Variants in CNTNAP2 observed in about 807,000 individuals in gnomAD.
The protein encoded by CNTNAP2 is contactin-associated protein-like 2.
In CNTNAP2, 98 loss-of-function variants were observed where a neutral mutation model predicts 155.2. The ratio of observed to expected loss-of-function variants is 0.63; its 90% confidence interval spans 0.54 to 0.75. The LOEUF is 0.75. Ranked by LOEUF, CNTNAP2 falls within the 30% of genes least tolerant of loss-of-function variation. The pLI is 0.00. For missense variants in CNTNAP2, 1,727 were observed against 1,688.1 expected, an observed-to-expected ratio of 1.02 and a Z score of -0.40; for synonymous variants, 651 against 631.2, an observed-to-expected ratio of 1.03 and a Z score of -0.47.
intron 1 of CNTNAP2, among the ~76,000 whole-genome samples, chr7:146,710,332 G>A (rs1000375218): frequency 6.6e-6 from 1 of 152,174 alleles, no homozygotes; most frequent in African/African-American, 2.4e-5. Context: ...GATCCCATAA[G>A]TGGGGAAAAT....
At chr7:147,341,781 C>G (rs1249657995) in intron 9 of CNTNAP2, among the ~76,000 whole-genome samples, 1 of 151,346 alleles carries the variant, frequency 6.6e-6, no homozygotes, top group African/African-American at 2.4e-5. Context: ...CACACACACA[C>G]ACACACACAC....
chr7:146,316,760 T>A (rs75674725), intron 1 of CNTNAP2, among the ~76,000 whole-genome samples: 1 of 127,694 alleles, frequency 7.8e-6, no homozygotes, highest in Non-Finnish European at 1.5e-5. Flanking sequence ...GTTTTTTAAT[T>A]TTTTTTTTTT....
At chr7:148,080,328 G>A (rs1011926242) in intron 15 of CNTNAP2, among the ~76,000 whole-genome samples, 10 of 152,096 alleles carry the variant, frequency 6.6e-5, no homozygotes, top group Admixed American at 3.3e-4. Context: ...TAAAGCGGCC[G>A]GGCACGGTGG....
At chr7:147,607,103 G>A (rs993476070) in intron 12 of CNTNAP2, among the ~76,000 whole-genome samples, 20 of 152,192 alleles carry the variant, frequency 1.3e-4, no homozygotes, top group African/African-American at 2.9e-4. Flanking sequence ...GTGATCTGTC[G>A]GACTGTGTTG....
At position 148,052,620 on chromosome 7, in the gene CNTNAP2, A is replaced by AT. The variant is rs550083632; in HGVS notation, c.2384-65490dup. Reference sequence around the variant, plus strand: ...GAAATAATTGTAGACCACATGCAAGATTTTTTTTACAGATTATTTGTCATA... The same window carrying AT: ...GAAATAATTGTAGACCACATGCAAGATTTTTTTTTACAGATTATTTGTCATA... On this transcript the variant is annotated intron_variant, in intron 15 of 23. Transcript: ENST00000361727. 1.4e-3 allele frequency among the ~76,000 whole-genome samples: 217 copies of AT among 152,160 alleles called. 1 individual carries two copies. The highest frequency in any genetic ancestry group is 3.4e-3 in the Middle Eastern group (1 of 292).
At chr7:147,391,065 C>T (rs1796707798) in intron 9 of CNTNAP2, among the ~76,000 whole-genome samples, 1 of 152,098 alleles carries the variant, frequency 6.6e-6, no homozygotes, top group Admixed American at 6.6e-5. Flanking sequence ...GGTATAGTCA[C>T]TCAAGTACCA....
intron 3 of CNTNAP2, among the ~76,000 whole-genome samples, chr7:146,973,662 TAA>T (rs1797849337): frequency 6.6e-6 from 1 of 152,182 alleles, no homozygotes; most frequent in Non-Finnish European, 1.5e-5. Context: ...AATTTCTAAC[TAA>T]AAAGGCATGA....
At chr7:147,345,557 A>G (rs976168602) in intron 9 of CNTNAP2, among the ~76,000 whole-genome samples, 2 of 152,306 alleles carry the variant, frequency 1.3e-5, no homozygotes, top group Non-Finnish European at 1.5e-5. Context: ...GGCGTGTTAC[A>G]TACAGAAGTT....
At chr7:148,312,132 C>A (rs1342259580) in intron 21 of CNTNAP2, among the ~76,000 whole-genome samples, 1 of 152,164 alleles carries the variant, frequency 6.6e-6, no homozygotes, top group African/African-American at 2.4e-5. Flanking sequence ...GTGGCAGCAG[C>A]TGCATGCAGA....
intron 8 of CNTNAP2, among the ~76,000 whole-genome samples, chr7:147,278,768 T>G (rs867027186): frequency 1.3e-5 from 2 of 151,472 alleles, no homozygotes; most frequent in African/African-American, 4.8e-5. Flanking sequence ...CATTAATCCC[T>G]TATAATTATT....
chr7:147,903,155 G>C (rs1799902345), intron 13 of CNTNAP2, among the ~76,000 whole-genome samples: 1 of 151,968 alleles, frequency 6.6e-6, no homozygotes. Flanking sequence ...TTGATTTTTT[G>C]ATTATGGGCA....
intron 14 of CNTNAP2, among the ~76,000 whole-genome samples, chr7:147,965,869 T>C (rs2859687): frequency 0.37 from 56,538 of 152,030 alleles, 12,768 homozygotes; most frequent in Middle Eastern, 0.63. Context: ...TTCATTGTTG[T>C]AGCTGAGGTG....
At chr7:147,183,992 C>T (rs933685853) in intron 8 of CNTNAP2, among the ~76,000 whole-genome samples, 14 of 152,026 alleles carry the variant, frequency 9.2e-5, no homozygotes, top group African/African-American at 3.4e-4. Context: ...ATTTGTAGGT[C>T]TTTAAAAACA....
chr7:148,297,314 G>A (rs1332542186), intron 21 of CNTNAP2, among the ~76,000 whole-genome samples: 2 of 152,070 alleles, frequency 1.3e-5, no homozygotes, highest in African/African-American at 4.8e-5. Context: ...AGACACAAAG[G>A]GTCTCAAATA....
chr7:147,904,088 C>A (rs1374630367), intron 14 of CNTNAP2, among the ~76,000 whole-genome samples: 1 of 152,118 alleles, frequency 6.6e-6, no homozygotes, highest in East Asian at 1.9e-4. Flanking sequence ...TCAACAGCCT[C>A]CTGCGGGGAG....
At chr7:146,567,534 A>G (rs1798376150) in intron 1 of CNTNAP2, among the ~76,000 whole-genome samples, 1 of 152,194 alleles carries the variant, frequency 6.6e-6, no homozygotes. Flanking sequence ...ATACTTTGAT[A>G]TAATTTAGTT....
intron 18 of CNTNAP2, among the ~76,000 whole-genome samples, chr7:148,214,563 T>C (rs956789536): frequency 6.6e-6 from 1 of 152,184 alleles, no homozygotes; most frequent in Non-Finnish European, 1.5e-5. Flanking sequence ...AGAATTCTTT[T>C]TTTATTTTTA....
chr7:147,173,965 C>T (rs1472007559), intron 8 of CNTNAP2, among the ~76,000 whole-genome samples: 2 of 151,982 alleles, frequency 1.3e-5, no homozygotes, highest in Admixed American at 1.3e-4. Flanking sequence ...ATGTAAAACA[C>T]CCTATAATTC....
At chr7:146,610,137 G>A (rs368781866) in intron 1 of CNTNAP2, among the ~76,000 whole-genome samples, 8 of 152,228 alleles carry the variant, frequency 5.3e-5, no homozygotes, top group African/African-American at 9.6e-5. Context: ...GAGAATCACC[G>A]AATAATAATA....
Sources: gnomAD v4.1 joint callset for allele counts (sites outside exome capture counted in the v4.1 genomes callset) on GRCh38, gnomAD v4.1.1 for gene constraint, MANE v1.5 for transcripts, NCBI Gene and HGNC (gene_info 2026-07-23, HGNC 2026-07-21) for gene names.